The following DIP2C variants were observed in gnomAD, a reference collection of about 807,000 sequenced individuals.
The protein encoded by DIP2C is disco-interacting protein 2 homolog C.
A neutral mutation model predicts 192.4 loss-of-function variants in DIP2C; 33 were observed. The ratio of observed to expected loss-of-function variants is 0.17; its 90% CI spans 0.13 to 0.23. The LOEUF is 0.23. Ranked by LOEUF, DIP2C falls within the 10% of genes least tolerant of loss-of-function variation. The probability of loss-of-function intolerance (pLI) is 1.00; values close to 1 mark genes in which losing one functional copy is unlikely to be tolerated. For missense variants in DIP2C, 1,537 were observed against 2,110.1 expected, an observed-to-expected ratio of 0.73 and a Z score of 5.32; for synonymous variants, 979 against 864.1, an observed-to-expected ratio of 1.13 and a Z score of -2.33.
At chr10:438,847 G>T (rs951748168) in intron 4 of DIP2C, among the ~76,000 whole-genome samples, 2 of 151,920 alleles carry the variant, frequency 1.3e-5, no homozygotes, top group African/African-American at 4.8e-5. Flanking sequence ...ATTGAGATGG[G>T]GTCTTGCTGT....
chr10:561,585 A>G (rs1163604384), intron 1 of DIP2C, among the ~76,000 whole-genome samples: 1 of 152,172 alleles, frequency 6.6e-6, no homozygotes, highest in Non-Finnish European at 1.5e-5. Context: ...GATGGTTCTC[A>G]GCCACTGACC....
At chr10:534,417 C>T (rs948345230) in intron 1 of DIP2C, among the ~76,000 whole-genome samples, 21 of 152,328 alleles carry the variant, frequency 1.4e-4, no homozygotes, top group Non-Finnish European at 2.4e-4. Context: ...CAACCAGCCC[C>T]GACCTTCATC....
chr10:508,537 C>T (rs1845786366), intron 1 of DIP2C, among the ~76,000 whole-genome samples: 1 of 152,176 alleles, frequency 6.6e-6, no homozygotes, highest in Non-Finnish European at 1.5e-5. Flanking sequence ...GTGCTGGTTC[C>T]GGATTTCCTG....
chr10:403,899 T>C (rs1964603903), intron 9 of DIP2C, among the ~76,000 whole-genome samples: 1 of 94,076 alleles, frequency 1.1e-5, no homozygotes, highest in African/African-American at 4.1e-5. Context: ...AAGTTTGGTA[T>C]GTGTTCCTCA....
chr10:349,482 A>T (rs372013018), intron 24 of DIP2C, 28 bp from the exon 25 acceptor site: 4 of 1,584,956 alleles, frequency 2.5e-6, no homozygotes, highest in African/African-American at 2.7e-5. Flanking sequence ...GGACAAGCAC[A>T]TAAGATTCCT....
intron 2 of DIP2C, among the ~76,000 whole-genome samples, chr10:480,475 G>A (rs564036329): frequency 3.9e-5 from 6 of 152,006 alleles, no homozygotes; most frequent in Admixed American, 1.3e-4. Context: ...ACTGGATGAC[G>A]GTCTCATCTA....
intron 1 of DIP2C, among the ~76,000 whole-genome samples, chr10:612,850 G>C (rs1409623400): frequency 6.6e-6 from 1 of 152,222 alleles, no homozygotes; most frequent in African/African-American, 2.4e-5. Flanking sequence ...GTCAAGAAGT[G>C]TCAGGTTCCC....
At chr10:568,800 C>CAAAAAAAT (rs1554739052) in intron 1 of DIP2C, among the ~76,000 whole-genome samples, 1 of 9,514 alleles carries the variant, frequency 1.1e-4, no homozygotes, top group Non-Finnish European at 2.5e-4. Flanking sequence ...AAAAAAAAAC[C>CAAAAAAAT]TTCACTTGAT....
intron 28 of DIP2C, among the ~76,000 whole-genome samples, chr10:341,837 A>G (rs566138009): frequency 9.5e-4 from 145 of 152,268 alleles, no homozygotes; most frequent in African/African-American, 3.3e-3. Flanking sequence ...TATGATTACC[A>G]CTGCACTCCA....
intron 1 of DIP2C, among the ~76,000 whole-genome samples, chr10:529,412 A>C (rs1239863748): frequency 2.6e-5 from 4 of 151,940 alleles, no homozygotes; most frequent in Non-Finnish European, 5.9e-5. Context: ...TATTCAACTA[A>C]ATCTATTCAC....
intron 3 of DIP2C, among the ~76,000 whole-genome samples, chr10:446,776 T>TA (rs1167050576): frequency 6.6e-6 from 1 of 152,236 alleles, no homozygotes; most frequent in African/African-American, 2.4e-5. Flanking sequence ...AGGAAATTCG[T>TA]ATAACGACTA....
chr10:538,592 C>G (rs1305776499), intron 1 of DIP2C, among the ~76,000 whole-genome samples: 1 of 152,152 alleles, frequency 6.6e-6, no homozygotes. Context: ...CCTGTGCTCT[C>G]AGATCTAAGT....
At chr10:392,975 G>A (rs143330641) in intron 10 of DIP2C, among the ~76,000 whole-genome samples, 54 of 152,322 alleles carry the variant, frequency 3.5e-4, no homozygotes, top group Admixed American at 9.1e-4. Context: ...GCAAAGGGCT[G>A]CGGGTCCTCA....
chr10:407,143 A>G (rs1964864000), intron 9 of DIP2C, among the ~76,000 whole-genome samples: 1 of 152,170 alleles, frequency 6.6e-6, no homozygotes, highest in African/African-American at 2.4e-5. Context: ...CTCCATTGCA[A>G]TCCCCGTCTA....
intron 10 of DIP2C, among the ~76,000 whole-genome samples, chr10:398,641 G>A (rs746327794): frequency 1.2e-4 from 18 of 152,036 alleles, no homozygotes; most frequent in Non-Finnish European, 1.9e-4. Context: ...GATTGACAAC[G>A]CACATTAATT....
Position 666,260 on chromosome 10 carries a change from C to G in DIP2C, c.85+23234G>C, listed in dbSNP as rs565398162. 1.0e-4 allele frequency: 16 copies of G among 152,436 alleles called. No individual in the cohort carries two copies. In the East Asian group the frequency reaches 2.5e-3, roughly 24 times the overall value. 9.4% of individuals were successfully genotyped at this position (152,436 alleles called of 1,614,324 possible). ...AGAAGAAAGCAAAGGGCATCACTCC[C>G]TACCCACGAAAGACTCACAACATCC... On this transcript the variant is annotated intron_variant, in intron 1 of 36. Transcript: ENST00000280886. The surrounding 1 kb of genome is among the most constrained non-coding windows in gnomAD (Gnocchi z 4.1).
intron 32 of DIP2C, among the ~76,000 whole-genome samples, chr10:290,951 G>T (rs1955464060): frequency 1.3e-5 from 2 of 152,250 alleles, no homozygotes; most frequent in South Asian, 2.1e-4. Context: ...ACAGGGTAAG[G>T]GGGTCACTCA....
intron 17 of DIP2C, among the ~76,000 whole-genome samples, chr10:374,184 T>C (rs1025950430): frequency 6.6e-6 from 1 of 152,348 alleles, no homozygotes; most frequent in African/African-American, 2.4e-5. Context: ...GTAATACAAA[T>C]ATAAGATCAT....
intron 1 of DIP2C, among the ~76,000 whole-genome samples, chr10:488,507 A>AT (rs2133568755): frequency 6.6e-6 from 1 of 152,370 alleles, no homozygotes; most frequent in Non-Finnish European, 1.5e-5. Context: ...ACCATGTCCC[A>AT]TGAAAACCAC....
Sources: allele counts gnomAD v4.1 joint callset (sites outside exome capture counted in the v4.1 genomes callset), GRCh38; gene constraint gnomAD v4.1.1; non-coding constraint Gnocchi (gnomAD v3.1); transcripts MANE v1.5; gene names NCBI Gene and HGNC (gene_info 2026-07-23, HGNC 2026-07-21).